FARS2: variants seen among roughly 807,000 people sequenced by gnomAD.
FARS2 encodes the protein phenylalanyl-tRNA synthetase 2, mitochondrial.
In FARS2, 40 loss-of-function variants were observed where a neutral mutation model predicts 46.4. The observed-to-expected ratio is 0.86, with a 90% confidence interval of 0.67 to 1.12. The LOEUF is 1.12. Ranked by LOEUF, FARS2 falls within the 50% of genes most tolerant of loss-of-function variation. The pLI, the probability that FARS2 is intolerant of heterozygous loss-of-function variation, is 0.00. For synonymous variants in FARS2, 234 were observed against 214.9 expected (o/e 1.09, Z -0.78); for missense variants, 513 against 567.9 (o/e 0.90, Z 0.98).
intron 6 of FARS2, among the ~76,000 whole-genome samples, chr6:5,691,750 C>A (rs1757739790): frequency 6.6e-6 from 1 of 152,232 alleles, no homozygotes. Flanking sequence ...GCAGAGGTTT[C>A]TGCTGCCTTT....
At chr6:5,748,127 T>A (rs1215110040) in intron 6 of FARS2, among the ~76,000 whole-genome samples, 2 of 152,032 alleles carry the variant, frequency 1.3e-5, no homozygotes, top group Non-Finnish European at 2.9e-5. Flanking sequence ...TCCTACCCAC[T>A]CTCACCTCTC....
intron 4 of FARS2, among the ~76,000 whole-genome samples, chr6:5,462,894 G>A (rs899010134): frequency 7.2e-5 from 11 of 152,142 alleles, no homozygotes; most frequent in African/African-American, 2.4e-4. Context: ...AGAGAAAATC[G>A]CCATCTCAAT....
intron 6 of FARS2, among the ~76,000 whole-genome samples, chr6:5,623,472 T>C (rs1775874562): frequency 6.6e-6 from 1 of 152,300 alleles, no homozygotes; most frequent in Non-Finnish European, 1.5e-5. Context: ...CCAGCACTTT[T>C]GGAGGCTAGG....
At chr6:5,344,638 G>A (rs1200371512) in intron 1 of FARS2, among the ~76,000 whole-genome samples, 1 of 152,162 alleles carries the variant, frequency 6.6e-6, no homozygotes, top group African/African-American at 2.4e-5. Flanking sequence ...GTGAGAGTGA[G>A]CTTGCTTGGC....
chr6:5,751,344 T>C (rs1761935050), intron 6 of FARS2, among the ~76,000 whole-genome samples: 1 of 152,196 alleles, frequency 6.6e-6, no homozygotes, highest in Non-Finnish European at 1.5e-5. Context: ...GGGCACTTGA[T>C]GGCTGTTGAA....
At chr6:5,767,352 G>A (rs904978855) in intron 6 of FARS2, among the ~76,000 whole-genome samples, 8 of 152,106 alleles carry the variant, frequency 5.3e-5, no homozygotes, top group Non-Finnish European at 7.4e-5. Context: ...CACCGCGCCC[G>A]GCCAATCCAT....
intron 1 of FARS2, among the ~76,000 whole-genome samples, chr6:5,346,848 C>CT (rs971430776): frequency 2.7e-5 from 4 of 150,198 alleles, no homozygotes; most frequent in African/African-American, 9.8e-5. Context: ...ATTTATAATT[C>CT]TTTTTTTAGA....
intron 6 of FARS2, among the ~76,000 whole-genome samples, chr6:5,698,737 G>A (rs1758248530): frequency 6.6e-6 from 1 of 152,194 alleles, no homozygotes; most frequent in Non-Finnish European, 1.5e-5. Context: ...TAGTGTATCA[G>A]TCAGGATCGC....
chr6:5,523,954 T>C (rs11243017), intron 4 of FARS2, among the ~76,000 whole-genome samples: 19,052 of 152,162 alleles, frequency 0.13, 1,276 homozygotes, highest in East Asian at 0.21. Flanking sequence ...TATCTAATGA[T>C]AATTCTTCAA....
intron 3 of FARS2, among the ~76,000 whole-genome samples, chr6:5,410,442 G>A (rs560029033): frequency 4.6e-5 from 7 of 152,264 alleles, no homozygotes; most frequent in African/African-American, 1.7e-4. Flanking sequence ...GATTACAGGC[G>A]TGAGCCACTG....
At chr6:5,458,696 T>C (rs1241577666) in intron 4 of FARS2, among the ~76,000 whole-genome samples, 1 of 152,184 alleles carries the variant, frequency 6.6e-6, no homozygotes, top group Non-Finnish European at 1.5e-5. Context: ...CTCATCAAAA[T>C]GTCTGTTTCT....
the FARS2 span, among the ~76,000 whole-genome samples, chr6:5,253,996 C>T: frequency 6.6e-6 from 1 of 152,150 alleles, no homozygotes; most frequent in East Asian, 1.9e-4. Context: ...CAAAGCACTT[C>T]CCAAAGCCAA....
chr6:5,490,437 AG>A (rs553175131), intron 4 of FARS2, among the ~76,000 whole-genome samples: 399 of 152,272 alleles, frequency 2.6e-3, no homozygotes, highest in African/African-American at 9.3e-3. Flanking sequence ...AGGGTCATAT[AG>A]GGCTGTATAT....
intron 6 of FARS2, among the ~76,000 whole-genome samples, chr6:5,633,523 A>G (rs1776399054): frequency 6.6e-6 from 1 of 152,014 alleles, no homozygotes. Flanking sequence ...CCACTTCAGC[A>G]TCCCAAAGTG....
chr6:5,543,392 T>TTC (rs1770752999), intron 4 of FARS2, among the ~76,000 whole-genome samples: 1 of 149,188 alleles, frequency 6.7e-6, no homozygotes, highest in African/African-American at 2.4e-5. Context: ...TTTTTTTTTT[T>TTC]CTCACTCTGT....
At chr6:5,759,185 C>G (rs1762363713) in intron 6 of FARS2, among the ~76,000 whole-genome samples, 1 of 152,180 alleles carries the variant, frequency 6.6e-6, no homozygotes, top group Non-Finnish European at 1.5e-5. Flanking sequence ...GTGCCATCCC[C>G]TCTGTCTGGG....
the FARS2 span, among the ~76,000 whole-genome samples, chr6:5,251,806 GA>G: frequency 3.3e-3 from 508 of 152,294 alleles, 5 homozygotes; most frequent in African/African-American, 0.011. Flanking sequence ...ACTGTTAAAA[GA>G]TCCGCAACAA....
intron 6 of FARS2, among the ~76,000 whole-genome samples, chr6:5,752,330 C>T (rs372366876): frequency 1.4e-4 from 22 of 152,200 alleles, no homozygotes; most frequent in Non-Finnish European, 3.2e-4. Flanking sequence ...AACTAATCCA[C>T]AATGTGTCTT....
intron 1 of FARS2, among the ~76,000 whole-genome samples, chr6:5,358,627 A>G (rs1018338252): frequency 6.6e-6 from 1 of 152,162 alleles, no homozygotes; most frequent in Non-Finnish European, 1.5e-5. Flanking sequence ...TTAACTGAAT[A>G]TATTTTTGAA....
Sources: allele counts gnomAD v4.1 joint callset (sites outside exome capture counted in the v4.1 genomes callset), GRCh38; gene constraint gnomAD v4.1.1; transcripts MANE v1.5; gene names NCBI Gene and HGNC (gene_info 2026-07-23, HGNC 2026-07-21).